Variants in RERG observed in about 807,000 individuals in gnomAD.
The protein encoded by RERG is RAS like estrogen regulated growth inhibitor, also known as ras-related and estrogen-regulated growth inhibitor.
Under a neutral mutation model 23.2 loss-of-function variants are expected in RERG, and 25 were observed. The observed-to-expected ratio is 1.08, with a 90% CI of 0.79 to 1.50. The LOEUF is 1.50. Among genes scored for constraint, RERG ranks in the 40% most tolerant of loss-of-function variants. The probability of loss-of-function intolerance (pLI) is 0.00; values close to 1 mark genes in which losing one functional copy is unlikely to be tolerated. For synonymous variants in RERG, 81 were observed against 89.1 expected (o/e 0.91, Z 0.51); for missense variants, 253 against 250.1 (o/e 1.01, Z -0.08).
intron 2 of RERG, among the ~76,000 whole-genome samples, chr12:15,154,058 T>C (rs1320331006): frequency 1.3e-5 from 2 of 152,160 alleles, no homozygotes; most frequent in African/African-American, 2.4e-5. Context: ...GATCCTCCCT[T>C]ACAGACTTTG....
chr12:15,158,699 T>C (rs565350728), intron 2 of RERG, among the ~76,000 whole-genome samples: 1 of 152,188 alleles, frequency 6.6e-6, no homozygotes, highest in Non-Finnish European at 1.5e-5. Flanking sequence ...TGTCTAATAC[T>C]TCCTCATAAT....
chr12:15,178,679 T>C (rs1864884751), intron 2 of RERG, among the ~76,000 whole-genome samples: 1 of 152,158 alleles, frequency 6.6e-6, no homozygotes. Flanking sequence ...AAATCATAAA[T>C]TAAATGACTG....
In RERG at chr12:15,178,627, C is replaced by T. The variant is rs187082361; in HGVS notation, c.61+38802G>A. Among the ~76,000 whole-genome samples the T allele has an allele frequency of 3.0e-4, 46 of 152,206 alleles. 2 individuals are homozygous for T. The highest frequency in any genetic ancestry group is 1.1e-3 in the African/African-American group (45 of 41,546). ...CTAAAATATACTGAGTCTCAATTTC[C>T]TCATCTGTAAAATACGGATAATAAA... On this transcript the variant is annotated intron_variant, in intron 2 of 4. Coordinates refer to ENST00000256953, the MANE Select transcript of RERG (RefSeq NM_032918.3).
At chr12:15,195,774 T>C (rs980200522) in intron 2 of RERG, among the ~76,000 whole-genome samples, 2 of 152,080 alleles carry the variant, frequency 1.3e-5, no homozygotes, top group African/African-American at 2.4e-5. Flanking sequence ...AATAATTACA[T>C]TGCTAATATG....
intron 2 of RERG, among the ~76,000 whole-genome samples, chr12:15,166,227 G>A (rs995747944): frequency 2.6e-5 from 4 of 152,212 alleles, no homozygotes; most frequent in African/African-American, 7.2e-5. Context: ...GAGGCCTAGA[G>A]AGTAAGCCCA....
At chr12:15,143,432 T>G (rs1298491709) in intron 2 of RERG, among the ~76,000 whole-genome samples, 1 of 148,518 alleles carries the variant, frequency 6.7e-6, no homozygotes, top group Non-Finnish European at 1.5e-5. Context: ...TAATAATACA[T>G]ACATATTATT....
At chr12:15,181,786 A>C (rs1017618011) in intron 2 of RERG, among the ~76,000 whole-genome samples, 1 of 149,082 alleles carries the variant, frequency 6.7e-6, no homozygotes, top group African/African-American at 2.6e-5. Context: ...ATGAGGAGAG[A>C]GTAAAGAATG....
chr12:15,158,082 A>G (rs905844715), intron 2 of RERG, among the ~76,000 whole-genome samples: 1 of 152,178 alleles, frequency 6.6e-6, no homozygotes, highest in Non-Finnish European at 1.5e-5. Context: ...AAGTATAATT[A>G]TCAATATCAG....
At chr12:15,128,119 G>C (rs1014798348) in intron 2 of RERG, among the ~76,000 whole-genome samples, 2 of 151,660 alleles carry the variant, frequency 1.3e-5, no homozygotes, top group African/African-American at 4.8e-5. Context: ...TTTTTTTAAC[G>C]TGAGCGTACA....
chr12:15,181,727 G>A (rs1864924558), intron 2 of RERG, among the ~76,000 whole-genome samples: 1 of 152,170 alleles, frequency 6.6e-6, no homozygotes, highest in African/African-American at 2.4e-5. Context: ...CATTTACAGA[G>A]GAAGAAGGCA....
Position 15,217,821 on chromosome 12 carries a change from G to A in RERG, c.-114-218C>T, listed in dbSNP as rs116418297. 405 of 226,646 alleles carry A rather than the reference G, an allele frequency of 1.8e-3. 1 individual carries two copies. Among genetic ancestry groups the A allele is most frequent in the African/African-American group, 9.2e-3 (397 of 43,274 alleles). The allele number at this position is 226,646 out of a possible 1,614,324, so 14.0% of individuals were successfully genotyped here. On this transcript the variant is annotated intron_variant, in intron 1 of 4. Transcript: ENST00000256953. ...ATTTGGATCTGGTTGGTACTAAAAC[G>A]TGCATTATCACACACAATAGCATTT...
chr12:15,180,213 A>G (rs2136128344), intron 2 of RERG, among the ~76,000 whole-genome samples: 1 of 152,340 alleles, frequency 6.6e-6, no homozygotes, highest in South Asian at 2.1e-4. Context: ...TTTACTGCAA[A>G]GGGCTGACAT....
chr12:15,126,137 ATATATATATATATATG>A (rs1401601795), intron 2 of RERG, among the ~76,000 whole-genome samples: 6 of 139,982 alleles, frequency 4.3e-5, no homozygotes, highest in East Asian at 2.0e-4. Context: ...CCATATATAT[ATATATATATATATATG>A]TATTTACACA....
rs1273300726 is a variant in RERG, at chr12:15,217,478, A to G, written c.12T>C (p.Ser4=). ...CAAATATTGCCAGTTTGACCTCCGC[A>G]CTTTTAGCCATGATGGGTGTTGGTA... is the stretch of plus-strand genomic sequence containing the variant. MAK[S]AEVKLAIFGR... is the part of the protein sequence containing the mutation. Residue 4 remains serine, a synonymous_variant, in exon 2 of 5, where the codon AGT becomes AGC. Coordinates refer to ENST00000256953, the MANE Select transcript of RERG (RefSeq NM_032918.3). 2.5e-6 allele frequency: 4 copies of G among 1,612,874 alleles called. No homozygotes were observed. The highest frequency in any genetic ancestry group is 3.4e-6 in the Non-Finnish European group (4 of 1,179,024).
At chr12:15,188,018 C>T (rs116683225) in intron 2 of RERG, among the ~76,000 whole-genome samples, 1,543 of 152,200 alleles carry the variant, frequency 0.01, 27 homozygotes, top group African/African-American at 0.035. Context: ...GAACACCAAA[C>T]TGGGTTATAG....
rs1221042851 is a variant in RERG, at chr12:15,132,348, T to G, written c.62-11229A>C. Among the ~76,000 whole-genome samples the G allele has an allele frequency of 2.6e-5, 4 of 152,244 alleles. No individual in the cohort carries two copies. The East Asian group carries it at 5.8e-4, about 22-fold the overall frequency. ...TTTACTTTGCAATGCACATTTAAGGTTCATCCATGCCATTGCCTGGATTGA... is the reference window on the plus strand; with the variant it reads ...TTTACTTTGCAATGCACATTTAAGGGTCATCCATGCCATTGCCTGGATTGA... On this transcript the variant is annotated intron_variant, in intron 2 of 4. Coordinates refer to ENST00000256953, the MANE Select transcript of RERG (RefSeq NM_032918.3).
At chr12:15,175,765 T>A (rs1864842144) in intron 2 of RERG, among the ~76,000 whole-genome samples, 1 of 152,164 alleles carries the variant, frequency 6.6e-6, no homozygotes, top group Non-Finnish European at 1.5e-5. Context: ...AGTGGGCTTT[T>A]CCAGAGGCTG....
chr12:15,200,150 CA>C (rs2136140452), intron 2 of RERG, among the ~76,000 whole-genome samples: 1 of 152,142 alleles, frequency 6.6e-6, no homozygotes, highest in Admixed American at 6.5e-5. Context: ...TGCTACATTG[CA>C]TAATTAAAGA....
chr12:15,202,991 T>C (rs1565536696), intron 2 of RERG, among the ~76,000 whole-genome samples: 1 of 151,934 alleles, frequency 6.6e-6, no homozygotes, highest in East Asian at 1.9e-4. Flanking sequence ...GTTGCTGTTT[T>C]TATAACAGCC....
Sources: allele counts gnomAD v4.1 joint callset (sites outside exome capture counted in the v4.1 genomes callset), GRCh38; gene constraint gnomAD v4.1.1; transcripts MANE v1.5; gene names NCBI Gene and HGNC (gene_info 2026-07-23, HGNC 2026-07-21).